PDZD2: variants seen among roughly 807,000 people sequenced by gnomAD.
PDZD2 encodes PDZ domain-containing protein 2.
In PDZD2, 90 loss-of-function variants were observed where a neutral mutation model predicts 220.7. The observed-to-expected ratio is 0.41, with a 90% CI of 0.34 to 0.49. The LOEUF is 0.49. PDZD2 is among the 20% of genes least tolerant of loss of function. The pLI is 0.28. For missense variants in PDZD2, 3,174 were observed against 3,608.5 expected (o/e 0.88, Z 3.08); for synonymous variants, 1,375 against 1,450.5 (o/e 0.95, Z 1.18).
At chr5:31,966,551 A>G (rs1048996887) in intron 2 of PDZD2, among the ~76,000 whole-genome samples, 1 of 152,210 alleles carries the variant, frequency 6.6e-6, no homozygotes, top group Admixed American at 6.5e-5. Context: ...TCACAGTTTC[A>G]GTTGTCAACA....
chr5:31,976,219 T>C (rs1749754069), intron 2 of PDZD2, among the ~76,000 whole-genome samples: 1 of 152,146 alleles, frequency 6.6e-6, no homozygotes, highest in Admixed American at 6.6e-5. Context: ...ATTTCTCAGC[T>C]AGGACTTCCC....
At chr5:31,722,576 T>C (rs1050241727) in intron 1 of PDZD2, among the ~76,000 whole-genome samples, 1 of 152,194 alleles carries the variant, frequency 6.6e-6, no homozygotes, top group Admixed American at 6.5e-5. Context: ...AAAAAGAACA[T>C]ATAAAAATGC....
chr5:31,706,575 G>A (rs934302217), intron 1 of PDZD2, among the ~76,000 whole-genome samples: 1 of 152,162 alleles, frequency 6.6e-6, no homozygotes, highest in Non-Finnish European at 1.5e-5. Flanking sequence ...GCCGGATGCA[G>A]TGGCTCACAC....
At chr5:31,892,717 AC>A (rs2150349436) in intron 2 of PDZD2, among the ~76,000 whole-genome samples, 1 of 101,024 alleles carries the variant, frequency 9.9e-6, no homozygotes, top group South Asian at 3.6e-4. Flanking sequence ...ACAGGTGTGC[AC>A]CACCACACCC....
chr5:31,942,921 G>C lies in PDZD2; in HGVS notation c.477-40234G>C, dbSNP rs1581130857. Among the ~76,000 whole-genome samples, 3 of 152,336 alleles carry C rather than the reference G, an allele frequency of 2.0e-5. No individual in the cohort carries two copies. In the South Asian group the frequency reaches 6.2e-4, roughly 32 times the overall value. On this transcript the variant is annotated intron_variant, in intron 2 of 24. Transcript: ENST00000438447. ...GTGTAGTTTTGAAATACAGAGACAA[G>C]GCCGGGCACGGTGACTCACGCCTGT...
intron 5 of PDZD2, among the ~76,000 whole-genome samples, chr5:32,009,073 G>A (rs112061464): frequency 1.3e-5 from 2 of 152,200 alleles, no homozygotes; most frequent in African/African-American, 4.8e-5. Flanking sequence ...AGCCGGGCTC[G>A]GTGGCTCATG....
At chr5:31,904,562 C>G (rs565717787) in intron 2 of PDZD2, among the ~76,000 whole-genome samples, 17 of 152,294 alleles carry the variant, frequency 1.1e-4, no homozygotes, top group African/African-American at 4.1e-4. Context: ...GAGTCTCGCT[C>G]TGTCGCGCAG....
chr5:32,088,828 G>T lies in PDZD2; in HGVS notation c.5380G>T (p.Ala1794Ser), dbSNP rs377489804. 1.2e-6 allele frequency: 2 copies of T among 1,613,772 alleles called. No homozygotes were observed. Among genetic ancestry groups the T allele is most frequent in the African/African-American group, 1.3e-5 (1 of 74,844 alleles). ...CTTGCTACAGAAACCAAAAATGATC[G>T]CTAGGAGGCCCATCATGGCCTGGTT... ...DDLLQKPKMI[A>S]RRPIMAWFKE... Residue 1794 changes from alanine to serine, a missense_variant, in exon 20 of 25, where the codon GCT (alanine) becomes TCT (serine). Around this residue, in one of 4 missense-constraint regions of PDZD2, gnomAD observed 1,861 missense variants for 2,001.0 expected, o/e 0.93. Coordinates refer to ENST00000438447, the MANE Select transcript of PDZD2 (RefSeq NM_178140.4). This position sits in a 1 kb window ranked among gnomAD's most constrained non-coding sequence, Gnocchi z 4.6.
intron 2 of PDZD2, chr5:31,822,909 A>C (rs1169643312): frequency 1.4e-5 from 12 of 882,092 alleles, no homozygotes; most frequent in Non-Finnish European, 1.8e-5. Flanking sequence ...TGTTCTGTGC[A>C]TAACTACAAA....
intron 3 of PDZD2, among the ~76,000 whole-genome samples, chr5:31,993,032 G>A (rs1751353436): frequency 6.6e-6 from 1 of 152,156 alleles, no homozygotes; most frequent in African/African-American, 2.4e-5. Context: ...GGGCCCCATT[G>A]GAAGTGTTGA....
intron 9 of PDZD2, 74 bp from the exon 10 acceptor site, chr5:32,053,695 A>T (rs1176795077): frequency 1.2e-6 from 1 of 857,472 alleles, no homozygotes; most frequent in African/African-American, 1.7e-5. Context: ...CTTCAGTTAA[A>T]TACTACAATG....
rs1252771800 is a variant in PDZD2, at chr5:32,098,207, AC to A, written c.7948-156del. ...CGGGAGGCTGAGATTGCACCACTGT[AC>A]TCCAGCCTGGGTGACACAGCGAGAC... is the stretch of plus-strand genomic sequence containing the variant. On this transcript the variant is annotated intron_variant, in intron 22 of 24. Transcript: ENST00000438447. This position sits in a 1 kb window ranked among gnomAD's most constrained non-coding sequence, Gnocchi z 4.1. Among the ~76,000 whole-genome samples, 11 of 152,276 alleles carry A rather than the reference AC, an allele frequency of 7.2e-5. No homozygotes were observed. The highest frequency in any genetic ancestry group is 2.6e-4 in the African/African-American group (11 of 41,548).
chr5:31,749,551 G>A (rs1322324100), intron 1 of PDZD2, among the ~76,000 whole-genome samples: 4 of 151,946 alleles, frequency 2.6e-5, no homozygotes, highest in Non-Finnish European at 5.9e-5. Flanking sequence ...AGCTTCCCGA[G>A]TAGCTGGGAT....
chr5:31,852,550 T>G (rs145001361), intron 2 of PDZD2, among the ~76,000 whole-genome samples: 1 of 151,946 alleles, frequency 6.6e-6, no homozygotes, highest in South Asian at 2.1e-4. Flanking sequence ...CCTCCCAAAG[T>G]GCTAGGATTA....
At chr5:32,062,854 A>C (rs1209223608) in intron 14 of PDZD2, among the ~76,000 whole-genome samples, 1 of 152,026 alleles carries the variant, frequency 6.6e-6, no homozygotes, top group African/African-American at 2.4e-5. Context: ...TTGTTCCTCT[A>C]ACGACACATT....
chr5:32,013,804 C>T (rs113099896), intron 6 of PDZD2, among the ~76,000 whole-genome samples: 1 of 152,212 alleles, frequency 6.6e-6, no homozygotes, highest in Admixed American at 6.5e-5. Context: ...CTGCTCCACC[C>T]CCATCACAAG....
At chr5:31,854,920 G>GA (rs1429375382) in intron 2 of PDZD2, 4 of 962,080 alleles carry the variant, frequency 4.2e-6, no homozygotes, top group Non-Finnish European at 4.9e-6. Context: ...GGAGGAGGGG[G>GA]GGGTCCTCCC....
rs1040042252 is a variant in PDZD2 at position 31,730,199 on chromosome 5, G to A, written c.-360-68690G>A. Among the ~76,000 whole-genome samples the A allele has an allele frequency of 2.0e-5, 3 of 152,286 alleles. No individual in the cohort carries two copies. The South Asian group carries it at 6.2e-4, about 32-fold the overall frequency. ...CTATGTACTTCTAGCAAGATTTAGT[G>A]TTTGAGGAGTAAAAACTCTTCGTGC... On this transcript the variant is annotated intron_variant, in intron 1 of 24. Coordinates refer to ENST00000438447, the MANE Select transcript of PDZD2 (RefSeq NM_178140.4).
chr5:31,994,416 A>G (rs1202819057), intron 3 of PDZD2, among the ~76,000 whole-genome samples: 4 of 152,182 alleles, frequency 2.6e-5, no homozygotes, highest in African/African-American at 9.6e-5. Flanking sequence ...AAATTCATCA[A>G]TTAATTTTTT....
Sources: gnomAD v4.1 joint callset for allele counts (sites outside exome capture counted in the v4.1 genomes callset) on GRCh38, gnomAD v4.1.1 for gene constraint, gnomAD v4.1.1 regional missense constraint, Gnocchi (gnomAD v3.1) non-coding constraint, MANE v1.5 for transcripts, NCBI Gene and HGNC (gene_info 2026-07-23, HGNC 2026-07-21) for gene names.